TMCO5A: variants seen among roughly 807,000 people sequenced by gnomAD.
TMCO5A encodes transmembrane and coiled-coil domains 5A, also known as transmembrane and coiled-coil domain-containing protein 5A.
Under a neutral mutation model 42.3 loss-of-function variants are expected in TMCO5A, and 34 were observed. The observed-to-expected ratio is 0.80, with a 90% CI of 0.61 to 1.07. TMCO5A has a LOEUF of 1.07. Among genes scored for constraint, TMCO5A ranks in the 50% least tolerant of loss-of-function variants. TMCO5A has a pLI of 0.00. For synonymous variants in TMCO5A, 131 were observed against 115.6 expected (o/e 1.13, Z -0.86); for missense variants, 357 against 327.9 (o/e 1.09, Z -0.69).
the TMCO5A span, chr15:38,025,132 G>C: frequency 6.6e-6 from 1 of 151,820 alleles, no homozygotes; most frequent in African/African-American, 2.4e-5. Flanking sequence ...GACTTTTCTG[G>C]TGGAAGTGGA....
chr15:38,001,721 C>T, the TMCO5A span, among the ~76,000 whole-genome samples: 1 of 151,866 alleles, frequency 6.6e-6, no homozygotes, highest in African/African-American at 2.4e-5. Context: ...TATCTTATAA[C>T]TCCTTATTTT....
the TMCO5A span, among the ~76,000 whole-genome samples, chr15:38,031,006 T>C: frequency 1.3e-5 from 2 of 152,202 alleles, no homozygotes; most frequent in African/African-American, 4.8e-5. Flanking sequence ...AAGGTGTAAG[T>C]AGATCTCATC....
chr15:38,005,715 G>A, the TMCO5A span, among the ~76,000 whole-genome samples: 1 of 152,210 alleles, frequency 6.6e-6, no homozygotes, highest in Non-Finnish European at 1.5e-5. Flanking sequence ...AGGAAAAAAA[G>A]ACCATTGAAA....
At chr15:37,982,450 A>G in the TMCO5A span, among the ~76,000 whole-genome samples, 3 of 73,524 alleles carry the variant, frequency 4.1e-5, no homozygotes, top group East Asian at 5.0e-4. Flanking sequence ...ACAAATATAT[A>G]TAACACCTAT....
chr15:37,999,106 G>C, the TMCO5A span, among the ~76,000 whole-genome samples: 3 of 152,012 alleles, frequency 2.0e-5, no homozygotes, highest in Admixed American at 2.0e-4. Flanking sequence ...GAGTTTCTCC[G>C]TGTTGGTCAG....
At chr15:38,004,527 T>C in the TMCO5A span, among the ~76,000 whole-genome samples, 1 of 152,084 alleles carries the variant, frequency 6.6e-6, no homozygotes, top group African/African-American at 2.4e-5. Flanking sequence ...TAGCCAACAG[T>C]GGTGCTGGTG....
chr15:38,012,594 A>G, the TMCO5A span, among the ~76,000 whole-genome samples: 1 of 152,014 alleles, frequency 6.6e-6, no homozygotes, highest in South Asian at 2.1e-4. Context: ...TTTAGATGTT[A>G]TGATTAGTTC....
chr15:38,014,478 T>G, the TMCO5A span, among the ~76,000 whole-genome samples: 1 of 152,178 alleles, frequency 6.6e-6, no homozygotes, highest in Admixed American at 6.5e-5. Context: ...ATAGAAATAC[T>G]TTAGCTTATG....
At chr15:37,955,496 G>A (rs1170891324), downstream of TMCO5A, among the ~76,000 whole-genome samples, 2 of 152,038 alleles carry the variant, frequency 1.3e-5, no homozygotes, top group Non-Finnish European at 2.9e-5. Context: ...AAGAGACAAA[G>A]AAGGGCATCA....
chr15:37,986,423 G>GTGTGTGTT, the TMCO5A span, among the ~76,000 whole-genome samples: 1 of 147,038 alleles, frequency 6.8e-6, no homozygotes, highest in Non-Finnish European at 1.5e-5. Context: ...GTGTGTGTGT[G>GTGTGTGTT]TTTAAATCAA....
chr15:38,021,221 G>A, the TMCO5A span, among the ~76,000 whole-genome samples: 6 of 152,296 alleles, frequency 3.9e-5, no homozygotes, highest in South Asian at 8.3e-4. Context: ...AAATATGTCT[G>A]TTTGCAGATG....
intron 11 of TMCO5A, among the ~76,000 whole-genome samples, chr15:37,962,355 T>A (rs530016809): frequency 1.8e-4 from 28 of 152,278 alleles, no homozygotes; most frequent in Non-Finnish European, 4.1e-4. Context: ...GACTTGTGTA[T>A]ATTAAACCAT....
downstream of TMCO5A, among the ~76,000 whole-genome samples, chr15:37,969,470 C>A (rs1261573631): frequency 1.3e-5 from 2 of 152,120 alleles, no homozygotes; most frequent in African/African-American, 4.8e-5. Context: ...TACTCAAGAC[C>A]CCATCACCCT....
chr15:37,967,268 T>C (rs1890579458), exon 12 of TMCO5A: 1 of 152,276 alleles, frequency 6.6e-6, no homozygotes, highest in Non-Finnish European at 1.5e-5. Context: ...TAGGATATAC[T>C]CTACATTATT....
At chr15:37,985,579 A>G in the TMCO5A span, among the ~76,000 whole-genome samples, 4 of 152,270 alleles carry the variant, frequency 2.6e-5, no homozygotes, top group South Asian at 2.1e-4. Flanking sequence ...TGTTTATTCT[A>G]TTTTTAGAAA....
the TMCO5A span, among the ~76,000 whole-genome samples, chr15:38,039,146 A>T: frequency 6.6e-6 from 1 of 152,318 alleles, no homozygotes; most frequent in Admixed American, 6.5e-5. Flanking sequence ...AATTTAATAG[A>T]TTTAAATAAG....
At chr15:37,967,165 C>T (rs1473941491) in exon 12 of TMCO5A, 2 of 154,600 alleles carry the variant, frequency 1.3e-5, no homozygotes, top group East Asian at 3.8e-4. Flanking sequence ...TAGAATATGA[C>T]TGGTATAAAT....
At chr15:38,021,917 C>A in the TMCO5A span, among the ~76,000 whole-genome samples, 1 of 151,040 alleles carries the variant, frequency 6.6e-6, no homozygotes, top group South Asian at 2.1e-4. Context: ...TCAAGCAATT[C>A]TCCTGCCTCA....
downstream of TMCO5A, among the ~76,000 whole-genome samples, chr15:37,955,720 G>C (rs144297084): frequency 1.3e-3 from 205 of 152,192 alleles, no homozygotes; most frequent in African/African-American, 4.8e-3. Context: ...TCCAGGACTT[G>C]AACTCAGCTC....
Sources: gnomAD v4.1 joint callset for allele counts (sites outside exome capture counted in the v4.1 genomes callset) on GRCh38, gnomAD v4.1.1 for gene constraint, MANE v1.5 for transcripts, NCBI Gene and HGNC (gene_info 2026-07-23, HGNC 2026-07-21) for gene names.